Variants in USP34 observed in about 807,000 individuals in gnomAD.
USP34 encodes ubiquitin specific peptidase 34, also known as ubiquitin carboxyl-terminal hydrolase 34.
A neutral mutation model predicts 460.3 loss-of-function variants in USP34; 70 were observed. The ratio of observed to expected loss-of-function variants is 0.15; its 90% CI spans 0.13 to 0.19. The LOEUF (loss-of-function observed/expected upper bound fraction) is 0.19. USP34 is among the 10% of genes least tolerant of loss of function. USP34 has a pLI of 1.00. For synonymous variants in USP34, 1,647 were observed against 1,405.3 expected (o/e 1.17, Z -3.85); for missense variants, 3,985 against 4,236.2 (o/e 0.94, Z 1.65).
At chr2:61,284,169 A>C (rs562096863) in intron 35 of USP34, among the ~76,000 whole-genome samples, 1 of 152,366 alleles carries the variant, frequency 6.6e-6, no homozygotes, top group Admixed American at 6.5e-5. Flanking sequence ...GACTGAAATA[A>C]GTAAACCCTC....
At chr2:61,404,722 C>G (rs1693818790) in intron 3 of USP34, among the ~76,000 whole-genome samples, 1 of 152,148 alleles carries the variant, frequency 6.6e-6, no homozygotes, top group Non-Finnish European at 1.5e-5. Context: ...TCAGCCTACA[C>G]AAAACTAGCT....
At chr2:61,205,153 G>A (rs1029780499) in intron 72 of USP34, among the ~76,000 whole-genome samples, 1 of 152,144 alleles carries the variant, frequency 6.6e-6, no homozygotes, top group African/African-American at 2.4e-5. Flanking sequence ...AGCCAGCCCA[G>A]ATTATTTAAT....
intron 18 of USP34, 104 bp downstream of exon 18, chr2:61,339,247 G>T: frequency 9.0e-7 from 1 of 1,115,846 alleles, no homozygotes; most frequent in African/African-American, 1.6e-5. Flanking sequence ...GATTAATACA[G>T]GTATATGAAA....
At chr2:61,222,002 A>T (rs1418267836) in intron 65 of USP34, among the ~76,000 whole-genome samples, 3 of 152,198 alleles carry the variant, frequency 2.0e-5, no homozygotes, top group Admixed American at 6.6e-5. Context: ...CTTAAAATCT[A>T]CTCAATGATT....
At chr2:61,245,127 A>T (rs752183690) in intron 51 of USP34, 83 bp downstream of exon 51, 2 of 970,822 alleles carry the variant, frequency 2.1e-6, no homozygotes, top group Non-Finnish European at 3.1e-6. Flanking sequence ...AAAGAAAGTT[A>T]AGCGACTCTG....
intron 41 of USP34, among the ~76,000 whole-genome samples, chr2:61,273,864 T>A (rs1383207794): frequency 6.6e-6 from 1 of 152,042 alleles, no homozygotes; most frequent in Non-Finnish European, 1.5e-5. Flanking sequence ...GCATTTGTAA[T>A]CAGTAGAAAA....
At chr2:61,451,638 T>C (rs1200806926) in intron 1 of USP34, among the ~76,000 whole-genome samples, 1 of 150,602 alleles carries the variant, frequency 6.6e-6, no homozygotes, top group Non-Finnish European at 1.5e-5. Flanking sequence ...GCCAAGATCA[T>C]GCCATTGCAC....
chr2:61,314,155 T>C (rs1283394359), intron 25 of USP34, among the ~76,000 whole-genome samples: 2 of 151,912 alleles, frequency 1.3e-5, no homozygotes, highest in Non-Finnish European at 2.9e-5. Flanking sequence ...TACTGTCTCC[T>C]AGTCCAGGAA....
intron 2 of USP34, among the ~76,000 whole-genome samples, chr2:61,414,031 G>A (rs570014798): frequency 6.6e-6 from 1 of 152,146 alleles, no homozygotes; most frequent in East Asian, 1.9e-4. Flanking sequence ...GCCAAGGCGG[G>A]TGGACTGCCT....
At chr2:61,193,180 C>G (rs1185968130) in intron 75 of USP34, 200 bp from the exon 76 acceptor site, 4 of 466,674 alleles carry the variant, frequency 8.6e-6, no homozygotes, top group African/African-American at 2.0e-5. Context: ...TATTTATATC[C>G]TATACCTCAT....
At chr2:61,245,372 G>A (rs1227979387) in intron 50 of USP34, 84 bp from the exon 51 acceptor site, 7 of 710,492 alleles carry the variant, frequency 9.9e-6, no homozygotes, top group Non-Finnish European at 1.5e-5. Context: ...AATAACCAAT[G>A]TTACAAGTGT....
At chr2:61,303,523 G>A (rs539816777) in intron 27 of USP34, among the ~76,000 whole-genome samples, 2 of 152,180 alleles carry the variant, frequency 1.3e-5, no homozygotes, top group African/African-American at 4.8e-5. Context: ...AAAACCAGAA[G>A]AAAAGTAAAT....
intron 3 of USP34, among the ~76,000 whole-genome samples, chr2:61,400,916 C>T (rs1228945014): frequency 6.6e-6 from 1 of 151,996 alleles, no homozygotes; most frequent in Non-Finnish European, 1.5e-5. Context: ...TTTTGGGAGG[C>T]CGAGACAGGC....
At chr2:61,460,432 C>G (rs1695564583) in intron 1 of USP34, among the ~76,000 whole-genome samples, 2 of 152,052 alleles carry the variant, frequency 1.3e-5, no homozygotes, top group Admixed American at 1.3e-4. Context: ...TCAAGTAACC[C>G]TTACTTTACC....
In USP34 at chr2:61,278,147, G is replaced by T; in HGVS notation, c.5433+18C>A. 1 of 1,607,638 alleles carries T rather than the reference G, an allele frequency of 6.2e-7. No individual in the cohort carries two copies. The highest frequency in any genetic ancestry group is 1.1e-5 in the South Asian group (1 of 89,844). ...TCAATCACATTTCATAGAAACATTT[G>T]ATTATCTTAACACTTACCTGTCCTT... On this transcript the variant is annotated intron_variant, in intron 41 of 79. Transcript: ENST00000398571.
intron 35 of USP34, among the ~76,000 whole-genome samples, chr2:61,284,418 G>A (rs769756178): frequency 1.3e-5 from 2 of 152,008 alleles, no homozygotes; most frequent in Non-Finnish European, 2.9e-5. Context: ...AGAAACAGAA[G>A]AACTGACAAC....
intron 2 of USP34, among the ~76,000 whole-genome samples, chr2:61,418,710 G>A (rs962028638): frequency 6.6e-6 from 1 of 152,164 alleles, no homozygotes; most frequent in African/African-American, 2.4e-5. Flanking sequence ...AGGAAGAGAG[G>A]AAGATGGAAA....
chr2:61,222,768 C>T, intron 64 of USP34, 105 bp from the exon 65 acceptor site: 1 of 1,021,144 alleles, frequency 9.8e-7, no homozygotes. Context: ...GAGATCACAG[C>T]TCACTGCAGC....
intron 62 of USP34, 106 bp downstream of exon 62, chr2:61,226,957 ATAAT>A (rs1687746464): frequency 2.5e-6 from 3 of 1,222,268 alleles, no homozygotes; most frequent in African/African-American, 1.6e-5. Flanking sequence ...TAACAATTAC[ATAAT>A]TAAACATATA....
Sources: allele counts gnomAD v4.1 joint callset (sites outside exome capture counted in the v4.1 genomes callset), GRCh38; gene constraint gnomAD v4.1.1; transcripts MANE v1.5; gene names NCBI Gene and HGNC (gene_info 2026-07-23, HGNC 2026-07-21).